The following GRB10 variants were observed in gnomAD, a reference collection of about 807,000 sequenced individuals.
The protein encoded by GRB10 is growth factor receptor-bound protein 10.
In GRB10, 20 loss-of-function variants were observed where a neutral mutation model predicts 80.9. That is an observed-to-expected ratio of 0.25 (90% CI 0.17 to 0.36). The LOEUF (loss-of-function observed/expected upper bound fraction) is 0.36, where lower values mean the gene tolerates loss of function less well. Ranked by LOEUF, GRB10 falls within the 10% of genes least tolerant of loss-of-function variation. The pLI is 1.00. For missense variants in GRB10, 548 were observed against 747.7 expected (o/e 0.73, Z 3.12); for synonymous variants, 291 against 291.5 (o/e 1.00, Z 0.02).
intron 3 of GRB10, among the ~76,000 whole-genome samples, chr7:50,744,650 G>A (rs1439578630): frequency 1.3e-5 from 2 of 152,032 alleles, no homozygotes; most frequent in South Asian, 2.1e-4. Flanking sequence ...CAAAGTTTAC[G>A]GTATTGCATT....
At chr7:50,681,727 C>A (rs529612944) in intron 5 of GRB10, among the ~76,000 whole-genome samples, 1 of 152,214 alleles carries the variant, frequency 6.6e-6, no homozygotes, top group African/African-American at 2.4e-5. Context: ...CTTCAAAATG[C>A]AAAAGTAAAC....
intron 5 of GRB10, among the ~76,000 whole-genome samples, chr7:50,695,341 T>C (rs77284106): frequency 8.5e-4 from 129 of 152,288 alleles, no homozygotes; most frequent in Admixed American, 1.3e-3. Context: ...TGCAAAACCT[T>C]TGAGGAAGGC....
chr7:50,700,882 C>T (rs75234138), intron 5 of GRB10, among the ~76,000 whole-genome samples: 2,360 of 152,286 alleles, frequency 0.015, 26 homozygotes, highest in Non-Finnish European at 0.023. Context: ...GTCAACTTTT[C>T]AAAAAGTTAC....
chr7:50,684,995 G>A (rs531310472), intron 5 of GRB10, among the ~76,000 whole-genome samples: 45 of 152,114 alleles, frequency 3.0e-4, no homozygotes, highest in Non-Finnish European at 5.9e-4. Context: ...TCCAGGTTAT[G>A]GTCCAAATTT....
intron 7 of GRB10, among the ~76,000 whole-genome samples, chr7:50,631,126 C>G (rs1373951979): frequency 2.0e-5 from 3 of 152,126 alleles, no homozygotes; most frequent in Non-Finnish European, 1.5e-5. Flanking sequence ...TCAATCTTAG[C>G]ACAGACCCTC....
At chr7:50,659,872 T>A (rs1286092617) in intron 7 of GRB10, among the ~76,000 whole-genome samples, 1 of 152,240 alleles carries the variant, frequency 6.6e-6, no homozygotes, top group East Asian at 1.9e-4. Context: ...AGTAATTGAA[T>A]GACAAGTTGA....
intron 3 of GRB10, among the ~76,000 whole-genome samples, chr7:50,737,150 A>G (rs2070931116): frequency 6.6e-6 from 1 of 152,246 alleles, no homozygotes; most frequent in African/African-American, 2.4e-5. Context: ...AAGGGATTAA[A>G]ACCCAGAATA....
At chr7:50,687,967 G>A (rs140713772) in intron 5 of GRB10, among the ~76,000 whole-genome samples, 41 of 152,346 alleles carry the variant, frequency 2.7e-4, no homozygotes, top group Middle Eastern at 3.4e-3. Flanking sequence ...TCTGCTCAAT[G>A]CAGTGTATGC....
intron 7 of GRB10, among the ~76,000 whole-genome samples, chr7:50,645,199 C>T (rs2056979988): frequency 6.6e-6 from 1 of 152,150 alleles, no homozygotes; most frequent in Non-Finnish European, 1.5e-5. Context: ...CTTTATACTG[C>T]CCATAATTCA....
chr7:50,674,312 T>G, intron 6 of GRB10, 124 bp downstream of exon 6: 4 of 937,920 alleles, frequency 4.3e-6, no homozygotes, highest in Non-Finnish European at 6.6e-6. Context: ...AAGCAATGTA[T>G]CTGCCTCTTG....
intron 4 of GRB10, among the ~76,000 whole-genome samples, chr7:50,716,188 T>A (rs2066843379): frequency 6.6e-6 from 1 of 152,062 alleles, no homozygotes; most frequent in Non-Finnish European, 1.5e-5. Flanking sequence ...CCAACCCAAA[T>A]GGAAAACTTC....
intron 5 of GRB10, among the ~76,000 whole-genome samples, chr7:50,675,986 C>G (rs770535591): frequency 6.6e-6 from 1 of 152,174 alleles, no homozygotes; most frequent in Non-Finnish European, 1.5e-5. Context: ...GAGTTTTGTA[C>G]GTGTAACCCA....
At chr7:50,784,690 T>C (rs1208239331), upstream of GRB10, among the ~76,000 whole-genome samples, 1 of 152,358 alleles carries the variant, frequency 6.6e-6, no homozygotes, top group East Asian at 1.9e-4. Flanking sequence ...GACACACATT[T>C]TGCTTTACTA....
Position 50,720,356 on chromosome 7 carries a change from G to A in GRB10, c.51+11916C>T, listed in dbSNP as rs549553180. Among the ~76,000 whole-genome samples, 6 of 152,248 alleles carry A rather than the reference G, an allele frequency of 3.9e-5. No individual in the cohort carries two copies. In the South Asian group the frequency reaches 1.2e-3, roughly 32 times the overall value. On this transcript the variant is annotated intron_variant, in intron 4 of 18. Coordinates refer to ENST00000401949, the MANE Select transcript of GRB10 (RefSeq NM_001350814.2). ...TTGAAACACACATAAATATTTAACA[G>A]GTTCTGGGGAAACTGCTAAAGTGAC...
chr7:50,611,114 T>A (rs935330140), intron 13 of GRB10, among the ~76,000 whole-genome samples: 1 of 152,056 alleles, frequency 6.6e-6, no homozygotes, highest in Non-Finnish European at 1.5e-5. Flanking sequence ...GCCTCTCCCA[T>A]CTCCTCTCCC....
At chr7:50,709,323 A>C (rs1215669980) in intron 4 of GRB10, among the ~76,000 whole-genome samples, 1 of 152,198 alleles carries the variant, frequency 6.6e-6, no homozygotes, top group Non-Finnish European at 1.5e-5. Context: ...TGTGCCAGGC[A>C]GTGAGTCTGC....
Position 50,614,843 on chromosome 7 carries a change from T to C in GRB10, c.1022A>G (p.Asp341Gly). The change falls in exon 12 of 19, where the codon GAC becomes GGC. Residue 341 changes from aspartate to glycine, a missense_variant. Coordinates refer to ENST00000401949, the MANE Select transcript of GRB10 (RefSeq NM_001350814.2). ...AGCGATCAGGGAGAAGATGTTGCTG[T>C]CCTCCAGGTCGGCCAGCAGCTGCAG... is the stretch of plus-strand genomic sequence containing the variant. ...RHLQLLADLEDSNIFSLIAGR... is the reference protein window; with the variant it reads ...RHLQLLADLEGSNIFSLIAGR... 6.2e-7 allele frequency: 1 copy of C among 1,613,982 alleles called. No homozygotes were observed. The highest frequency in any genetic ancestry group is 8.5e-7 in the Non-Finnish European group (1 of 1,179,938).
At chr7:50,741,402 A>G (rs2071706926) in intron 3 of GRB10, among the ~76,000 whole-genome samples, 1 of 152,054 alleles carries the variant, frequency 6.6e-6, no homozygotes, top group Admixed American at 6.5e-5. Flanking sequence ...CCAAGGAAAA[A>G]CCTGTTACAT....
chr7:50,721,189 T>C (rs1345470449), intron 4 of GRB10, among the ~76,000 whole-genome samples: 1 of 152,248 alleles, frequency 6.6e-6, no homozygotes, highest in African/African-American at 2.4e-5. Flanking sequence ...CAGCTTCAGT[T>C]ACCCACAGTC....
Sources: allele counts gnomAD v4.1 joint callset (sites outside exome capture counted in the v4.1 genomes callset), GRCh38; gene constraint gnomAD v4.1.1; transcripts MANE v1.5; gene names NCBI Gene and HGNC (gene_info 2026-07-23, HGNC 2026-07-21).